LHFPL3: variants seen among roughly 807,000 people sequenced by gnomAD.
LHFPL3 encodes the protein LHFPL tetraspan subfamily member 3, also known as LHFPL tetraspan subfamily member 3 protein.
LHFPL3 carries 5 observed loss-of-function variants against 19.3 expected under a neutral mutation model. That is an observed-to-expected ratio of 0.26 (90% CI 0.14 to 0.54). LHFPL3 has a LOEUF of 0.54. LHFPL3 is among the 20% of genes least tolerant of loss of function. The probability of loss-of-function intolerance (pLI) is 0.94; values close to 1 mark genes in which losing one functional copy is unlikely to be tolerated. For synonymous variants in LHFPL3, 133 were observed against 126.2 expected, an observed-to-expected ratio of 1.05 and a Z score of -0.36; for missense variants, 249 against 307.4, an observed-to-expected ratio of 0.81 and a Z score of 1.42.
At chr7:104,834,212 A>G (rs1409488739) in intron 2 of LHFPL3, among the ~76,000 whole-genome samples, 1 of 151,570 alleles carries the variant, frequency 6.6e-6, no homozygotes, top group Non-Finnish European at 1.5e-5. Flanking sequence ...ACCCTCACAG[A>G]CACACCCAGG....
chr7:104,593,811 T>G (rs188058262), intron 1 of LHFPL3, among the ~76,000 whole-genome samples: 1 of 152,334 alleles, frequency 6.6e-6, no homozygotes, highest in East Asian at 1.9e-4. Flanking sequence ...CTTTGTCTCT[T>G]TTGAACCAAC....
chr7:104,587,576 A>G (rs1006557214), intron 1 of LHFPL3, among the ~76,000 whole-genome samples: 6 of 152,216 alleles, frequency 3.9e-5, no homozygotes, highest in African/African-American at 1.4e-4. Context: ...GCCACAATAA[A>G]CATACATGTT....
intron 1 of LHFPL3, among the ~76,000 whole-genome samples, chr7:104,706,927 T>A (rs1046806110): frequency 1.4e-5 from 2 of 144,448 alleles, no homozygotes; most frequent in Admixed American, 1.4e-4. Context: ...GGGAGGAGGA[T>A]AATGACTACA....
intron 2 of LHFPL3, among the ~76,000 whole-genome samples, chr7:104,900,567 T>A (rs898574298): frequency 9.9e-5 from 15 of 152,188 alleles, no homozygotes; most frequent in African/African-American, 3.6e-4. Context: ...GAAATCGGTA[T>A]GTCAGATCCA....
intron 1 of LHFPL3, among the ~76,000 whole-genome samples, chr7:104,646,354 A>T (rs1791934625): frequency 6.6e-6 from 1 of 152,214 alleles, no homozygotes; most frequent in South Asian, 2.1e-4. Context: ...GCACGCCCTA[A>T]TCGCTATTAA....
At chr7:104,333,702 GC>G (rs1241884517) in intron 1 of LHFPL3, among the ~76,000 whole-genome samples, 1 of 152,212 alleles carries the variant, frequency 6.6e-6, no homozygotes, top group Non-Finnish European at 1.5e-5. Flanking sequence ...TGCAAGAAGA[GC>G]CTTTGAAATG....
intron 2 of LHFPL3, among the ~76,000 whole-genome samples, chr7:104,824,579 T>A (rs1277221946): frequency 1.3e-5 from 1 of 76,820 alleles, no homozygotes; most frequent in African/African-American, 5.3e-5. Context: ...TTATTTTATA[T>A]ATAATATATA....
At chr7:104,362,623 C>T (rs1790407135) in intron 1 of LHFPL3, among the ~76,000 whole-genome samples, 1 of 152,112 alleles carries the variant, frequency 6.6e-6, no homozygotes. Flanking sequence ...TTGTCCACTG[C>T]CCAGATAGAG....
intron 1 of LHFPL3, among the ~76,000 whole-genome samples, chr7:104,552,980 C>T (rs74553289): frequency 0.044 from 6,628 of 152,174 alleles, 445 homozygotes; most frequent in African/African-American, 0.15. Flanking sequence ...AGGAGTGGTA[C>T]ATATTTTATA....
chr7:104,559,016 T>C lies in LHFPL3; in HGVS notation c.446-177659T>C, dbSNP rs1451768360. 5.6e-3 allele frequency among the ~76,000 whole-genome samples: 833 copies of C among 148,568 alleles called. 7 individuals carry two copies. Among genetic ancestry groups the C allele is most frequent in the African/African-American group, 0.02 (807 of 39,700 alleles). On this transcript the variant is annotated intron_variant, in intron 1 of 2. Coordinates refer to ENST00000424859, the MANE Select transcript of LHFPL3 (RefSeq NM_199000.3). The stretch of plus-strand genomic sequence containing the variant: ...GATATGTGGCGTTATTTCTGAGGGC[T>C]CTGTTCTGTTCCATTGATCTATATC...
At chr7:104,540,433 G>C (rs555220246) in intron 1 of LHFPL3, among the ~76,000 whole-genome samples, 1 of 152,070 alleles carries the variant, frequency 6.6e-6, no homozygotes, top group African/African-American at 2.4e-5. Flanking sequence ...GCATCTACTG[G>C]GTACAGGCCA....
intron 1 of LHFPL3, among the ~76,000 whole-genome samples, chr7:104,698,354 T>C (rs972208389): frequency 2.0e-5 from 3 of 152,256 alleles, no homozygotes; most frequent in African/African-American, 7.2e-5. Context: ...ACCATTTCTC[T>C]TTCTTTTCAT....
At chr7:104,864,285 G>A (rs1192875561) in intron 2 of LHFPL3, among the ~76,000 whole-genome samples, 3 of 152,186 alleles carry the variant, frequency 2.0e-5, no homozygotes, top group African/African-American at 7.2e-5. Context: ...TGGGTGCAGT[G>A]CACCGAGCAT....
rs1315611321 is a variant in LHFPL3 at position 104,534,540 on chromosome 7, T to C, written c.446-202135T>C. On this transcript the variant is annotated intron_variant, in intron 1 of 2. Coordinates refer to ENST00000424859, the MANE Select transcript of LHFPL3 (RefSeq NM_199000.3). ...CACTGCATGATGACAGCAAATATTA[T>C]CAAAGAACCAGAGGTGTTTTTGAGG... is the stretch of plus-strand genomic sequence containing the variant. Among the ~76,000 whole-genome samples, 4 of 152,204 alleles carry C rather than the reference T, an allele frequency of 2.6e-5. 1 individual carries two copies. Among genetic ancestry groups the C allele is most frequent in the Non-Finnish European group, 5.9e-5 (4 of 68,032 alleles).
At chr7:104,425,394 T>A (rs10953435) in intron 1 of LHFPL3, among the ~76,000 whole-genome samples, 57,210 of 151,372 alleles carry the variant, frequency 0.38, 13,092 homozygotes, top group African/African-American at 0.63. Flanking sequence ...AAAGTTAGAT[T>A]TTTTTTTTAT....
chr7:104,595,306 A>T (rs1345232429), intron 1 of LHFPL3, among the ~76,000 whole-genome samples: 5 of 152,180 alleles, frequency 3.3e-5, no homozygotes, highest in Non-Finnish European at 5.9e-5. Flanking sequence ...TCTCTCAGCT[A>T]TAGGTCTGTT....
intron 1 of LHFPL3, among the ~76,000 whole-genome samples, chr7:104,584,286 C>T (rs1011751110): frequency 6.6e-6 from 1 of 151,332 alleles, no homozygotes; most frequent in Non-Finnish European, 1.5e-5. Flanking sequence ...GGAAGGGGAA[C>T]GTCACACACT....
At chr7:104,420,554 A>ATTT (rs71153195) in intron 1 of LHFPL3, among the ~76,000 whole-genome samples, 7,540 of 112,276 alleles carry the variant, frequency 0.067, 435 homozygotes, top group Non-Finnish European at 0.088. Flanking sequence ...CAAAGGGTGA[A>ATTT]TTTTTTTTTT....
chr7:104,724,075 G>T lies in LHFPL3; in HGVS notation c.446-12600G>T, dbSNP rs75809507. ...ATTATTTAAACTTTCGTTGACTGAG[G>T]CATTAGCCTAGGATCTTGCAGGTAC... is the stretch of plus-strand genomic sequence containing the variant. On this transcript the variant is annotated intron_variant, in intron 1 of 2. Coordinates refer to ENST00000424859, the MANE Select transcript of LHFPL3 (RefSeq NM_199000.3). 9.9e-5 allele frequency among the ~76,000 whole-genome samples: 15 copies of T among 152,248 alleles called. No homozygotes were observed. The East Asian group carries it at 2.9e-3, about 29-fold the overall frequency.
Sources: allele counts gnomAD v4.1 joint callset (sites outside exome capture counted in the v4.1 genomes callset), GRCh38; gene constraint gnomAD v4.1.1; transcripts MANE v1.5; gene names NCBI Gene and HGNC (gene_info 2026-07-23, HGNC 2026-07-21).